SLC7A9: variants seen among roughly 807,000 people sequenced by gnomAD.
The protein encoded by SLC7A9 is B(0,+)-type amino acid transporter 1.
Under a neutral mutation model 54.1 loss-of-function variants are expected in SLC7A9, and 38 were observed. That is an observed-to-expected ratio of 0.70 (90% confidence interval 0.54 to 0.92). The LOEUF (loss-of-function observed/expected upper bound fraction) is 0.92, where lower values mean the gene tolerates loss of function less well. Ranked by LOEUF, SLC7A9 falls within the 40% of genes least tolerant of loss-of-function variation. The pLI is 0.00. For synonymous variants in SLC7A9, 264 were observed against 258.9 expected (o/e 1.02, Z -0.19); for missense variants, 537 against 636.1 (o/e 0.84, Z 1.68).
chr19:32,861,817 A>AAAAAC lies in SLC7A9; in HGVS notation c.704+296_704+300dup, dbSNP rs538333279. ...GTGACCAAGTGAGATCCTGTCTTAA[A>AAAAAC]AAAACAAAACAAAACAAAACAGAAA... On this transcript the variant is annotated intron_variant, in intron 6 of 12. Transcript: ENST00000023064. Among the ~76,000 whole-genome samples the AAAAAC allele has an allele frequency of 1.4e-4, 22 of 152,246 alleles. No individual in the cohort carries two copies. In the South Asian group the frequency reaches 3.3e-3, roughly 23 times the overall value.
At chr19:32,851,917 A>G (rs1161806658) in intron 9 of SLC7A9, among the ~76,000 whole-genome samples, 1 of 152,116 alleles carries the variant, frequency 6.6e-6, no homozygotes, top group Non-Finnish European at 1.5e-5. Context: ...AAACTATTGC[A>G]AGGACAAAAA....
At chr19:32,862,027 G>A (rs1400767675) in intron 6 of SLC7A9, 91 bp downstream of exon 6, 1 of 855,898 alleles carries the variant, frequency 1.2e-6, no homozygotes, top group Non-Finnish European at 2.0e-6. Flanking sequence ...CCCCAGAAAG[G>A]AGAACTCATT....
intron 9 of SLC7A9, among the ~76,000 whole-genome samples, chr19:32,852,695 A>G (rs555866670): frequency 1.3e-5 from 2 of 152,234 alleles, no homozygotes; most frequent in East Asian, 3.9e-4. Flanking sequence ...TGATTAATGG[A>G]AGGGAGATTT....
chr19:32,863,497 C>T (rs556471615), intron 4 of SLC7A9, among the ~76,000 whole-genome samples: 10 of 152,108 alleles, frequency 6.6e-5, no homozygotes, highest in Admixed American at 3.9e-4. Context: ...GTAGCTGGGA[C>T]GCCAGGTGCA....
chr19:32,869,517 C>A (rs1969075632), intron 1 of SLC7A9, among the ~76,000 whole-genome samples, 169 bp downstream of exon 1: 2 of 152,142 alleles, frequency 1.3e-5, no homozygotes, highest in African/African-American at 4.8e-5. Flanking sequence ...TGGCCAGGTA[C>A]TTTTTCATTG....
intron 9 of SLC7A9, among the ~76,000 whole-genome samples, chr19:32,850,441 G>T (rs1173976086): frequency 6.6e-6 from 1 of 151,512 alleles, no homozygotes; most frequent in African/African-American, 2.4e-5. Flanking sequence ...GCTTCAAAGA[G>T]AATAAAATAC....
chr19:32,858,354 A>C, intron 9 of SLC7A9, 86 bp downstream of exon 9: 3 of 954,900 alleles, frequency 3.1e-6, no homozygotes. Flanking sequence ...CAGAACCCTG[A>C]GGATTTTAGC....
At chr19:32,834,429 A>C (rs1967895923) in intron 11 of SLC7A9, among the ~76,000 whole-genome samples, 1 of 152,150 alleles carries the variant, frequency 6.6e-6, no homozygotes, top group African/African-American at 2.4e-5. Context: ...TAGGAGTTCA[A>C]GATCAGCCTG....
chr19:32,842,070 G>A, intron 11 of SLC7A9, 98 bp downstream of exon 11: 1 of 1,185,456 alleles, frequency 8.4e-7, no homozygotes, highest in Non-Finnish European at 1.3e-6. Context: ...AGTCAAGTCA[G>A]ATTGGAACTA....
intron 9 of SLC7A9, among the ~76,000 whole-genome samples, chr19:32,848,986 C>T (rs543291247): frequency 1.4e-4 from 21 of 151,970 alleles, no homozygotes; most frequent in East Asian, 1.2e-3. Context: ...TTGAAACCAA[C>T]GAGAACAAAG....
chr19:32,864,815 C>T (rs1968919015), intron 2 of SLC7A9, 39 bp from the exon 3 acceptor site: 6 of 1,613,432 alleles, frequency 3.7e-6, no homozygotes, highest in East Asian at 2.2e-5. Context: ...AGTGCCACGC[C>T]CGGACCCAGC....
At chr19:32,846,687 C>T (rs2145817865) in intron 9 of SLC7A9, among the ~76,000 whole-genome samples, 1 of 152,362 alleles carries the variant, frequency 6.6e-6, no homozygotes, top group East Asian at 1.9e-4. Flanking sequence ...TCCCAGCACA[C>T]AGCTGGAGAT....
intron 3 of SLC7A9, 107 bp downstream of exon 3, chr19:32,864,522 C>T: frequency 6.5e-7 from 1 of 1,540,078 alleles, no homozygotes; most frequent in Non-Finnish European, 8.9e-7. Flanking sequence ...GTTTGCCATA[C>T]ATGTGCCAAG....
At chr19:32,862,047 G>T in intron 6 of SLC7A9, 71 bp downstream of exon 6, 2 of 938,520 alleles carry the variant, frequency 2.1e-6, no homozygotes. Context: ...TGTTTTCCAT[G>T]ACAGGTGGAG....
At chr19:32,849,219 C>T (rs1968389846) in intron 9 of SLC7A9, among the ~76,000 whole-genome samples, 1 of 152,094 alleles carries the variant, frequency 6.6e-6, no homozygotes, top group African/African-American at 2.4e-5. Flanking sequence ...ACACAAAAAA[C>T]CCTTCAAAAA....
In SLC7A9 at chr19:32,860,613, G is replaced by T. The variant is rs1430333839; in HGVS notation, c.742C>A (p.Pro248Thr). 4 of 1,614,132 alleles carry T rather than the reference G, an allele frequency of 2.5e-6. No individual in the cohort carries two copies. Among genetic ancestry groups the T allele is most frequent in the Non-Finnish European group, 3.4e-6 (4 of 1,180,000 alleles). Residue 248 changes from proline to threonine, a missense_variant, in exon 7 of 13, where the codon CCT becomes ACT. By Grantham distance (38) the Pro-to-Thr change is conservative. Transcript: ENST00000023064. ...LNYITEELRN[P>T]YRNLPLAIII... is the part of the protein sequence containing the mutation. ...CACTGATTCAGCTGTTACCTGTAAGGGTTTCTAAGTTCTTCTGTGATGTAA... is the reference window on the plus strand; with the variant it reads ...CACTGATTCAGCTGTTACCTGTAAGTGTTTCTAAGTTCTTCTGTGATGTAA...
intron 9 of SLC7A9, among the ~76,000 whole-genome samples, chr19:32,856,658 T>G (rs1968636751): frequency 6.6e-6 from 1 of 152,134 alleles, no homozygotes; most frequent in Admixed American, 6.5e-5. Flanking sequence ...CAGGCAGGAG[T>G]GCAGTGGTGT....
At chr19:32,847,523 A>G (rs1282486799) in intron 9 of SLC7A9, among the ~76,000 whole-genome samples, 1 of 152,236 alleles carries the variant, frequency 6.6e-6, no homozygotes, top group East Asian at 1.9e-4. Context: ...CCTCCAAGAA[A>G]TATGGGACTA....
At chr19:32,860,468 C>T in intron 7 of SLC7A9, 138 bp downstream of exon 7, 1 of 1,392,470 alleles carries the variant, frequency 7.2e-7, no homozygotes, top group South Asian at 1.4e-5. Flanking sequence ...AAGACTCTGT[C>T]TCAAAAAAAA....
Sources: gnomAD v4.1 joint callset for allele counts (sites outside exome capture counted in the v4.1 genomes callset) on GRCh38, gnomAD v4.1.1 for gene constraint, MANE v1.5 for transcripts, NCBI Gene and HGNC (gene_info 2026-07-23, HGNC 2026-07-21) for gene names.